SPIN1: variants seen among roughly 807,000 people sequenced by gnomAD.
The protein encoded by SPIN1 is spindlin-1.
In SPIN1, 3 loss-of-function variants were observed where a neutral mutation model predicts 26.0. The ratio of observed to expected loss-of-function variants is 0.12; its 90% CI spans 0.05 to 0.30. SPIN1 has a LOEUF of 0.30. SPIN1 is among the 10% of genes least tolerant of loss of function. The probability of loss-of-function intolerance (pLI) is 1.00; values close to 1 mark genes in which losing one functional copy is unlikely to be tolerated. For missense variants in SPIN1, 126 were observed against 333.4 expected, an observed-to-expected ratio of 0.38 and a Z score of 4.84; for synonymous variants, 101 against 116.5, an observed-to-expected ratio of 0.87 and a Z score of 0.86.
intron 2 of SPIN1, among the ~76,000 whole-genome samples, chr9:88,436,597 C>G (rs893527394): frequency 1.3e-5 from 2 of 152,118 alleles, no homozygotes; most frequent in African/African-American, 2.4e-5. Context: ...TCTTCTCTCT[C>G]TCACCCTTAA....
At chr9:88,465,429 T>G (rs916889670) in intron 4 of SPIN1, among the ~76,000 whole-genome samples, 2 of 152,190 alleles carry the variant, frequency 1.3e-5, no homozygotes, top group African/African-American at 4.8e-5. Context: ...ATACAAGGGT[T>G]CCAGTTCTCC....
chr9:88,423,386 TG>T (rs1402409968), intron 1 of SPIN1, among the ~76,000 whole-genome samples: 21 of 152,122 alleles, frequency 1.4e-4, no homozygotes, highest in Non-Finnish European at 1.3e-4. Context: ...AGTGGAGTCA[TG>T]GGATGTTTTT....
intron 3 of SPIN1, among the ~76,000 whole-genome samples, chr9:88,451,098 A>G (rs1587807460): frequency 3.4e-5 from 5 of 147,522 alleles, no homozygotes; most frequent in African/African-American, 1.3e-4. Flanking sequence ...TGCAATTTTT[A>G]TGGAAACCAA....
intron 2 of SPIN1, among the ~76,000 whole-genome samples, chr9:88,439,870 A>T (rs1828083126): frequency 6.6e-6 from 1 of 152,056 alleles, no homozygotes; most frequent in Non-Finnish European, 1.5e-5. Flanking sequence ...GTGTATCTTT[A>T]TAGTTAAAGT....
intron 1 of SPIN1, among the ~76,000 whole-genome samples, chr9:88,393,345 G>A (rs1014038730): frequency 6.7e-6 from 1 of 149,612 alleles, no homozygotes; most frequent in Admixed American, 6.7e-5. Flanking sequence ...GGGCCTGTCT[G>A]CAAATGATTT....
At chr9:88,438,021 C>G (rs572667009) in intron 2 of SPIN1, among the ~76,000 whole-genome samples, 2 of 151,904 alleles carry the variant, frequency 1.3e-5, no homozygotes, top group African/African-American at 4.8e-5. Context: ...CGTGGTGATG[C>G]GCGCCTGTAA....
At chr9:88,443,768 C>G (rs1011624776) in intron 2 of SPIN1, among the ~76,000 whole-genome samples, 1 of 152,060 alleles carries the variant, frequency 6.6e-6, no homozygotes, top group Admixed American at 6.6e-5. Flanking sequence ...AGGCTTGTAC[C>G]CCTGGGTTGT....
At chr9:88,431,098 T>C (rs1827859719) in intron 2 of SPIN1, among the ~76,000 whole-genome samples, 1 of 152,094 alleles carries the variant, frequency 6.6e-6, no homozygotes, top group Non-Finnish European at 1.5e-5. Context: ...TTGGTCAGGC[T>C]GATCTTGAAC....
At chr9:88,441,231 A>T (rs1471984842) in intron 2 of SPIN1, among the ~76,000 whole-genome samples, 1 of 151,800 alleles carries the variant, frequency 6.6e-6, no homozygotes, top group Non-Finnish European at 1.5e-5. Flanking sequence ...ATGGGACGGG[A>T]TGTGCCTAGG....
chr9:88,395,469 G>A (rs545016984), intron 1 of SPIN1, among the ~76,000 whole-genome samples: 1 of 152,054 alleles, frequency 6.6e-6, no homozygotes, highest in Admixed American at 6.6e-5. Context: ...TATTCTCTTG[G>A]CTGTTATAAA....
At chr9:88,442,325 G>C (rs1056178760) in intron 2 of SPIN1, among the ~76,000 whole-genome samples, 1 of 150,630 alleles carries the variant, frequency 6.6e-6, no homozygotes, top group Non-Finnish European at 1.5e-5. Context: ...TTCCTTTTTT[G>C]CATGGTTTCT....
chr9:88,409,187 G>A (rs908055188), intron 1 of SPIN1, among the ~76,000 whole-genome samples: 1 of 149,742 alleles, frequency 6.7e-6, no homozygotes, highest in Non-Finnish European at 1.5e-5. Flanking sequence ...TAGAGATGGG[G>A]TTTTTTCATG....
chr9:88,400,035 C>T (rs1171959921), intron 1 of SPIN1, among the ~76,000 whole-genome samples: 5 of 152,120 alleles, frequency 3.3e-5, no homozygotes, highest in East Asian at 1.9e-4. Flanking sequence ...CTGCCTTTCC[C>T]GGAGAAGCAG....
intron 3 of SPIN1, among the ~76,000 whole-genome samples, chr9:88,454,163 C>G (rs999062906): frequency 5.9e-5 from 9 of 152,200 alleles, no homozygotes; most frequent in African/African-American, 2.2e-4. Flanking sequence ...CAGTATTGCT[C>G]TGTGAGGGGA....
intron 3 of SPIN1, among the ~76,000 whole-genome samples, chr9:88,454,641 C>T (rs1828433790): frequency 6.6e-6 from 1 of 152,154 alleles, no homozygotes; most frequent in Non-Finnish European, 1.5e-5. Context: ...TAAATCTTGG[C>T]ATTCTTCACC....
At chr9:88,462,383 T>A in intron 3 of SPIN1, 113 bp from the exon 4 acceptor site, 2 of 1,413,030 alleles carry the variant, frequency 1.4e-6, no homozygotes, top group Non-Finnish European at 1.9e-6. Context: ...AACATGAGTT[T>A]GTACATATTT....
chr9:88,462,721 T>C lies in SPIN1; in HGVS notation c.327T>C (p.Ser109=). ...GLELNKDERV[S]ALEVLPDRVA... Reference sequence around the variant, plus strand: ...AACTTAATAAAGATGAAAGAGTTTCTGCGCTTGAAGTCCTCCCTGATAGAG... The same window carrying C: ...AACTTAATAAAGATGAAAGAGTTTCCGCGCTTGAAGTCCTCCCTGATAGAG... The change falls in exon 4 of 6, where the codon TCT becomes TCC. Residue 109 remains serine, a synonymous_variant. Transcript: ENST00000375859. 6.2e-7 allele frequency: 1 copy of C among 1,613,492 alleles called. No homozygotes were observed. The highest frequency in any genetic ancestry group is 8.5e-7 in the Non-Finnish European group (1 of 1,179,614).
chr9:88,388,794 C>T (rs1478834624), intron 1 of SPIN1, among the ~76,000 whole-genome samples: 1 of 150,374 alleles, frequency 6.7e-6, no homozygotes, highest in Non-Finnish European at 1.5e-5. Flanking sequence ...TGCCCCCATC[C>T]CCGCCGCCCC....
chr9:88,464,688 A>G (rs954083438), intron 4 of SPIN1, among the ~76,000 whole-genome samples: 66 of 152,220 alleles, frequency 4.3e-4, no homozygotes, highest in Non-Finnish European at 1.3e-4. Flanking sequence ...TGAGCAGTGC[A>G]TGGTACCACA....
Sources: gnomAD v4.1 joint callset for allele counts (sites outside exome capture counted in the v4.1 genomes callset) on GRCh38, gnomAD v4.1.1 for gene constraint, MANE v1.5 for transcripts, NCBI Gene and HGNC (gene_info 2026-07-23, HGNC 2026-07-21) for gene names.